Variants in RARB observed in about 807,000 individuals in gnomAD.
RARB encodes the protein HBV-activated protein.
Under a neutral mutation model 51.9 loss-of-function variants are expected in RARB, and 17 were observed. The ratio of observed to expected loss-of-function variants is 0.33; its 90% CI spans 0.22 to 0.49. RARB has a LOEUF of 0.49. Among genes scored for constraint, RARB ranks in the 20% least tolerant of loss-of-function variants. RARB has a pLI of 0.99. For synonymous variants in RARB, 215 were observed against 195.4 expected, an observed-to-expected ratio of 1.10 and a Z score of -0.84; for missense variants, 369 against 550.8, an observed-to-expected ratio of 0.67 and a Z score of 3.30.
rs569925666 is a variant in RARB at position 25,223,293 on chromosome 3, GT to G, written c.178+48720del. On this transcript the variant is annotated intron_variant, in intron 5 of 11. Transcript: ENST00000383772. ...ACTTCTTTCATATGGCATCTGTGTTGTTGTATGTATTCATATTATGTTCGCT... is the reference window on the plus strand; with the variant it reads ...ACTTCTTTCATATGGCATCTGTGTTGTGTATGTATTCATATTATGTTCGCT... 3.9e-3 allele frequency among the ~76,000 whole-genome samples: 586 copies of G among 152,164 alleles called. 6 individuals are homozygous for G. Among genetic ancestry groups the G allele is most frequent in the African/African-American group, 0.014 (569 of 41,518 alleles).
rs1002305045 is a variant in RARB, at chr3:24,947,733, G to A, written c.-380+88981G>A. Among the ~76,000 whole-genome samples, 3 of 152,252 alleles carry A rather than the reference G, an allele frequency of 2.0e-5. No homozygotes were observed. The South Asian group carries it at 6.2e-4, about 32-fold the overall frequency. On this transcript the variant is annotated intron_variant, in intron 2 of 11. Transcript: ENST00000383772. The stretch of plus-strand genomic sequence containing the variant: ...TCTTTAGCCATAGTGTGCGAAGAAG[G>A]GAGGAACTCAGGTAAGGATACCGAG...
At chr3:24,869,080 C>T (rs1052083525) in intron 2 of RARB, among the ~76,000 whole-genome samples, 4 of 152,100 alleles carry the variant, frequency 2.6e-5, no homozygotes, top group African/African-American at 7.2e-5. Context: ...CAACACCCTT[C>T]ATGTTATCTC....
chr3:25,083,162 T>C (rs528133027), intron 3 of RARB, among the ~76,000 whole-genome samples: 1 of 152,236 alleles, frequency 6.6e-6, no homozygotes, highest in African/African-American at 2.4e-5. Flanking sequence ...TGGGATTCAT[T>C]CAGATCCTTG....
At chr3:25,050,221 TCTC>T (rs1258601949) in intron 2 of RARB, among the ~76,000 whole-genome samples, 1 of 152,110 alleles carries the variant, frequency 6.6e-6, no homozygotes, top group East Asian at 1.9e-4. Context: ...AATCTGTGCT[TCTC>T]CTTGACTCCC....
chr3:25,430,549 T>C (rs755661), intron 1 of RARB, among the ~76,000 whole-genome samples: 83,394 of 152,020 alleles, frequency 0.55, 23,357 homozygotes, highest in African/African-American at 0.61. Flanking sequence ...GTAATTAACC[T>C]TCCAAAGATG....
intron 3 of RARB, among the ~76,000 whole-genome samples, chr3:25,115,052 T>A (rs1293296872): frequency 6.6e-6 from 1 of 152,118 alleles, no homozygotes; most frequent in Non-Finnish European, 1.5e-5. Context: ...TAGAGAAAAA[T>A]TTGTAATTCC....
chr3:25,068,845 C>A (rs906227823), intron 3 of RARB, among the ~76,000 whole-genome samples: 2 of 152,004 alleles, frequency 1.3e-5, no homozygotes, highest in East Asian at 1.9e-4. Flanking sequence ...ATGGCCAATT[C>A]TTTATGGTTA....
At chr3:24,906,917 G>T (rs1362368558) in intron 2 of RARB, among the ~76,000 whole-genome samples, 1 of 151,432 alleles carries the variant, frequency 6.6e-6, no homozygotes, top group African/African-American at 2.4e-5. Context: ...AAACCTGGAG[G>T]ATATAATATT....
At chr3:25,536,055 G>A (rs1479997668) in intron 3 of RARB, among the ~76,000 whole-genome samples, 1 of 152,102 alleles carries the variant, frequency 6.6e-6, no homozygotes, top group Admixed American at 6.5e-5. Flanking sequence ...GTGATACCAA[G>A]TTTCCCCATC....
chr3:25,127,217 C>T (rs755578178), intron 3 of RARB, among the ~76,000 whole-genome samples: 1 of 152,150 alleles, frequency 6.6e-6, no homozygotes, highest in Non-Finnish European at 1.5e-5. Flanking sequence ...AAAGCCAGAC[C>T]CATGACTGTG....
intron 5 of RARB, among the ~76,000 whole-genome samples, chr3:25,298,026 T>G (rs905729041): frequency 6.6e-6 from 1 of 152,190 alleles, no homozygotes; most frequent in African/African-American, 2.4e-5. Flanking sequence ...GAAAGGGACT[T>G]TCTTTTGTAA....
chr3:25,052,578 G>T (rs182132201), intron 2 of RARB, among the ~76,000 whole-genome samples: 1 of 152,148 alleles, frequency 6.6e-6, no homozygotes, highest in Non-Finnish European at 1.5e-5. Context: ...GGTAGGAAAT[G>T]TCTTAACTCT....
intron 2 of RARB, among the ~76,000 whole-genome samples, chr3:24,885,757 G>T (rs1232136006): frequency 6.6e-6 from 1 of 152,098 alleles, no homozygotes; most frequent in Non-Finnish European, 1.5e-5. Flanking sequence ...TTTAAAGCAG[G>T]GTCTGCAGTC....
At chr3:25,072,732 A>G (rs1482130312) in intron 3 of RARB, among the ~76,000 whole-genome samples, 7 of 151,510 alleles carry the variant, frequency 4.6e-5, no homozygotes, top group Non-Finnish European at 8.8e-5. Flanking sequence ...TTTTTGAGAT[A>G]GAGTCTCGCT....
chr3:24,946,062 G>A (rs898562881), intron 2 of RARB, among the ~76,000 whole-genome samples: 5 of 151,902 alleles, frequency 3.3e-5, no homozygotes, highest in South Asian at 4.2e-4. Context: ...TCAGGAGATC[G>A]AGATCATCCT....
chr3:25,033,721 G>A (rs1697924671), intron 2 of RARB, among the ~76,000 whole-genome samples: 1 of 152,136 alleles, frequency 6.6e-6, no homozygotes, highest in Non-Finnish European at 1.5e-5. Context: ...CAGGCAAATT[G>A]CTCTGTTGAC....
intron 2 of RARB, among the ~76,000 whole-genome samples, chr3:25,494,253 G>GCACACACGCACACACACACACACACA (rs757972807): frequency 5.3e-5 from 7 of 131,852 alleles, no homozygotes; most frequent in African/African-American, 1.6e-4. Context: ...TGTATCTTAC[G>GCACACACGCACACACACACACACACA]CACACACACA....
intron 3 of RARB, among the ~76,000 whole-genome samples, chr3:25,512,041 T>C (rs780169271): frequency 6.6e-6 from 1 of 152,194 alleles, no homozygotes; most frequent in Admixed American, 6.5e-5. Context: ...TTAACATCTG[T>C]GTACACCAAG....
At chr3:25,548,977 C>T (rs949242912) in intron 3 of RARB, among the ~76,000 whole-genome samples, 9 of 152,026 alleles carry the variant, frequency 5.9e-5, no homozygotes, top group South Asian at 2.1e-4. Flanking sequence ...ACCTGACTCA[C>T]GTTAGGAAGT....
Sources: gnomAD v4.1 joint callset for allele counts (sites outside exome capture counted in the v4.1 genomes callset) on GRCh38, gnomAD v4.1.1 for gene constraint, MANE v1.5 for transcripts, NCBI Gene and HGNC (gene_info 2026-07-23, HGNC 2026-07-21) for gene names.